GPBP1L1: variants seen among roughly 807,000 people sequenced by gnomAD.
GPBP1L1 encodes GC-rich promoter binding protein 1 like 1.
Under a neutral mutation model 52.5 loss-of-function variants are expected in GPBP1L1, and 23 were observed. The ratio of observed to expected loss-of-function variants is 0.44; its 90% confidence interval spans 0.32 to 0.62. GPBP1L1 has a LOEUF of 0.62. Ranked by LOEUF, GPBP1L1 falls within the 20% of genes least tolerant of loss-of-function variation. The pLI is 0.06. For synonymous variants in GPBP1L1, 243 were observed against 203.1 expected, an observed-to-expected ratio of 1.20 and a Z score of -1.67; for missense variants, 596 against 579.3, an observed-to-expected ratio of 1.03 and a Z score of -0.30.
At chr1:45,631,941 C>T (rs1557693660) in intron 10 of GPBP1L1, among the ~76,000 whole-genome samples, 1 of 151,748 alleles carries the variant, frequency 6.6e-6, no homozygotes, top group Non-Finnish European at 1.5e-5. Flanking sequence ...ATATGGCCGG[C>T]TGGGCATGGC....
intron 6 of GPBP1L1, among the ~76,000 whole-genome samples, chr1:45,653,716 T>G (rs76027605): frequency 1.3e-5 from 2 of 150,738 alleles, no homozygotes; most frequent in Non-Finnish European, 3.0e-5. Context: ...TTTTTTTTTT[T>G]GAGACAGAGT....
intron 2 of GPBP1L1, among the ~76,000 whole-genome samples, chr1:45,670,917 C>A (rs1213475525): frequency 4.0e-5 from 6 of 151,068 alleles, no homozygotes; most frequent in Non-Finnish European, 8.9e-5. Context: ...CTCAGCCTCC[C>A]GAGTAGCTGG....
chr1:45,668,646 G>A (rs1021858998), intron 2 of GPBP1L1, among the ~76,000 whole-genome samples: 3 of 152,130 alleles, frequency 2.0e-5, no homozygotes, highest in African/African-American at 7.2e-5. Context: ...AACAGAGCAA[G>A]ACTCTGTCTC....
At chr1:45,654,323 C>A in intron 6 of GPBP1L1, 2 of 411,222 alleles carry the variant, frequency 4.9e-6, no homozygotes, top group Non-Finnish European at 8.6e-6. Context: ...TTCTAAATTC[C>A]AAAGACACAA....
chr1:45,687,287 C>T (rs1430417407), upstream of GPBP1L1: 1 of 152,312 alleles, frequency 6.6e-6, no homozygotes, highest in African/African-American at 2.4e-5. Context: ...TATCGCACTA[C>T]TGGAAGGGGC....
At chr1:45,657,398 T>C (rs1644897601) in intron 4 of GPBP1L1, among the ~76,000 whole-genome samples, 1 of 151,702 alleles carries the variant, frequency 6.6e-6, no homozygotes, top group Non-Finnish European at 1.5e-5. Flanking sequence ...TAGCTGGGAG[T>C]GGTACTGTGC....
At chr1:45,662,089 G>A (rs781489264) in intron 2 of GPBP1L1, among the ~76,000 whole-genome samples, 14 of 152,126 alleles carry the variant, frequency 9.2e-5, no homozygotes, top group Non-Finnish European at 1.5e-4. Context: ...TGTTAGGCAC[G>A]GAGTGAAACA....
intron 2 of GPBP1L1, among the ~76,000 whole-genome samples, chr1:45,665,141 T>TGCCTGTAA: frequency 6.6e-6 from 1 of 151,908 alleles, no homozygotes; most frequent in African/African-American, 2.4e-5. Context: ...AATACAAAAA[T>TGCCTGTAA]TCGCTGGGTG....
At chr1:45,684,693 AAT>A (rs1645257735) in intron 2 of GPBP1L1, among the ~76,000 whole-genome samples, 1 of 152,146 alleles carries the variant, frequency 6.6e-6, no homozygotes, top group African/African-American at 2.4e-5. Flanking sequence ...CCAAAAAATC[AAT>A]ATCTCACTCC....
intron 2 of GPBP1L1, among the ~76,000 whole-genome samples, chr1:45,679,360 T>C (rs1365356605): frequency 2.0e-5 from 3 of 152,180 alleles, no homozygotes; most frequent in Non-Finnish European, 2.9e-5. Context: ...CAGCTAGTAA[T>C]GCCACCACCA....
intron 10 of GPBP1L1, among the ~76,000 whole-genome samples, chr1:45,632,150 T>C (rs979847849): frequency 2.6e-5 from 4 of 152,366 alleles, no homozygotes; most frequent in African/African-American, 7.2e-5. Context: ...TCCAGAGTTA[T>C]GGTCTGAGCT....
chr1:45,633,737 T>C (rs1388891791), intron 9 of GPBP1L1, 90 bp from the exon 10 acceptor site: 42 of 1,303,144 alleles, frequency 3.2e-5, no homozygotes, highest in Non-Finnish European at 4.2e-5. Flanking sequence ...AAGAATCTGG[T>C]AGCCTATTTA....
At chr1:45,683,532 G>C (rs1645238476) in intron 2 of GPBP1L1, among the ~76,000 whole-genome samples, 1 of 150,174 alleles carries the variant, frequency 6.7e-6, no homozygotes, top group Admixed American at 6.6e-5. Flanking sequence ...CTACCAGCTG[G>C]ATGAATCTCT....
intron 2 of GPBP1L1, among the ~76,000 whole-genome samples, chr1:45,677,963 C>T (rs1264924821): frequency 6.6e-6 from 1 of 152,168 alleles, no homozygotes; most frequent in Non-Finnish European, 1.5e-5. Flanking sequence ...CTCTATGACC[C>T]ATTAATCCTA....
intron 4 of GPBP1L1, 80 bp from the exon 5 acceptor site, chr1:45,655,399 G>C: frequency 6.8e-7 from 1 of 1,478,738 alleles, no homozygotes; most frequent in Non-Finnish European, 9.3e-7. Context: ...TTTGCATCAG[G>C]CCTTCAAAAA....
chr1:45,637,387 A>G (rs1224329522), intron 8 of GPBP1L1, among the ~76,000 whole-genome samples: 1 of 151,954 alleles, frequency 6.6e-6, no homozygotes, highest in Non-Finnish European at 1.5e-5. Context: ...TATTTACCCC[A>G]ATTTTCCCAG....
rs779395036 is a variant in GPBP1L1, at chr1:45,659,040, T to G, written c.48A>C (p.Pro16=). 3.1e-6 allele frequency: 5 copies of G among 1,607,730 alleles called. No homozygotes were observed. Among genetic ancestry groups the G allele is most frequent in the Non-Finnish European group, 4.3e-6 (5 of 1,174,190 alleles). ...TGGAGAACAGTACCTTAGCTGACTGTGGTGTTGAGAAATTTAGCCAAGCAG... is the reference window on the plus strand; with the variant it reads ...TGGAGAACAGTACCTTAGCTGACTGGGGTGTTGAGAAATTTAGCCAAGCAG... ...FVPAWLNFST[P]QSAKSPTATF... is the part of the protein sequence containing the mutation. The change falls in exon 4 of 13, where the codon CCA becomes CCC. Residue 16 remains proline (P), a synonymous_variant. Coordinates refer to ENST00000355105, the MANE Select transcript of GPBP1L1 (RefSeq NM_021639.5).
intron 2 of GPBP1L1, among the ~76,000 whole-genome samples, chr1:45,664,076 T>C (rs1461434178): frequency 6.6e-6 from 1 of 152,016 alleles, no homozygotes; most frequent in Non-Finnish European, 1.5e-5. Flanking sequence ...CTCACGCCTG[T>C]AATCCCAGCA....
At position 45,640,311 on chromosome 1, in the gene GPBP1L1, T is replaced by C; in HGVS notation, c.643A>G (p.Thr215Ala). 6.2e-7 allele frequency: 1 copy of C among 1,613,894 alleles called. No homozygotes were observed. Among genetic ancestry groups the C allele is most frequent in the South Asian group, 1.1e-5 (1 of 91,080 alleles). Residue 215 changes from threonine to alanine, a missense_variant, in exon 8 of 13, where the codon ACC (threonine) becomes GCC (alanine). Transcript: ENST00000355105. ...DPAAAFSAAF[T>A]SPGSHHANGN... is the part of the protein sequence containing the mutation. ...TTTGCATGGTGAGATCCTGGTGAGG[T>C]GAATGCAGCAGAGAAGGCAGCAGCA... is the stretch of plus-strand genomic sequence containing the variant.
Sources: allele counts gnomAD v4.1 joint callset (sites outside exome capture counted in the v4.1 genomes callset), GRCh38; gene constraint gnomAD v4.1.1; transcripts MANE v1.5; gene names NCBI Gene and HGNC (gene_info 2026-07-23, HGNC 2026-07-21).